The following NDUFV3 variants were observed in gnomAD, a reference collection of about 807,000 sequenced individuals.
NDUFV3 encodes NADH:ubiquinone oxidoreductase subunit V3.
Under a neutral mutation model 37.5 loss-of-function variants are expected in NDUFV3, and 44 were observed. That is an observed-to-expected ratio of 1.17 (90% CI 0.92 to 1.51). The LOEUF (loss-of-function observed/expected upper bound fraction) is 1.51, where lower values mean the gene tolerates loss of function less well. Ranked by LOEUF, NDUFV3 falls within the 40% of genes most tolerant of loss-of-function variation. The pLI is 0.00. For synonymous variants in NDUFV3, 235 were observed against 239.3 expected (o/e 0.98, Z 0.17); for missense variants, 580 against 580.4 (o/e 1.00, Z 0.01).
intron 2 of NDUFV3, among the ~76,000 whole-genome samples, chr21:42,902,892 G>A (rs1250238579): frequency 6.6e-6 from 1 of 152,104 alleles, no homozygotes; most frequent in Admixed American, 6.6e-5. Context: ...ATCATCTCTA[G>A]ATTACTTATA....
In NDUFV3 at chr21:42,904,175, A is replaced by G. The variant is rs750364439; in HGVS notation, c.1163A>G (p.Asn388Ser). ...SNLETVPVEN[N>S]HGFHEKTAAL... ...TTGGAGACAGTTCCTGTTGAGAATA[A>G]CCACGGTTTCCATGAAAAGACAGCA... Residue 388 changes from asparagine (N) to serine (S), a missense_variant, in exon 3 of 4, where the codon AAC (asparagine) becomes AGC (serine). By Grantham distance (46) the Asn-to-Ser change is conservative. Coordinates refer to ENST00000354250, the MANE Select transcript of NDUFV3 (RefSeq NM_021075.4). 1.2e-4 allele frequency: 200 copies of G among 1,614,114 alleles called. No individual in the cohort carries two copies. The highest frequency in any genetic ancestry group is 1.7e-4 in the Non-Finnish European group (195 of 1,180,044).
chr21:42,894,970 C>T (rs1471043333), intron 1 of NDUFV3, among the ~76,000 whole-genome samples: 1 of 152,098 alleles, frequency 6.6e-6, no homozygotes, highest in Non-Finnish European at 1.5e-5. Context: ...ATATTGTAGA[C>T]ACTTTTGAAG....
intron 1 of NDUFV3, 123 bp downstream of exon 1, chr21:42,893,504 C>G: frequency 9.1e-7 from 1 of 1,104,596 alleles, no homozygotes; most frequent in South Asian, 1.4e-5. Context: ...CTAGTTGGGC[C>G]GCTGACCCCG....
chr21:42,899,561 C>T (rs1353484994), intron 2 of NDUFV3, among the ~76,000 whole-genome samples: 2 of 152,222 alleles, frequency 1.3e-5, no homozygotes, highest in East Asian at 3.8e-4. Flanking sequence ...TCTCCTGCCC[C>T]ATCCTCCCGA....
chr21:42,905,269 A>G (rs1331065520), intron 3 of NDUFV3, among the ~76,000 whole-genome samples: 2 of 152,212 alleles, frequency 1.3e-5, no homozygotes, highest in African/African-American at 4.8e-5. Flanking sequence ...TTTAACTTGC[A>G]TAGGTGAAGA....
rs747116346 is a variant in NDUFV3 at position 42,903,604 on chromosome 21, G to GCCC, written c.596_598dup (p.Pro199dup). The GCCC allele has an allele frequency of 1.9e-6, 3 of 1,613,878 alleles. No homozygotes were observed. In the South Asian group the frequency reaches 3.3e-5, roughly 18 times the overall value. Reference sequence around the variant, plus strand: ...GGCCTCTCATTCCTTTGAAAACAGAGCCCCCCGAGTTACAGTATCAGCAAA... The same window carrying GCCC: ...GGCCTCTCATTCCTTTGAAAACAGAGCCCCCCCCCGAGTTACAGTATCAGCAAA... On this transcript the variant is annotated inframe_insertion, in exon 3 of 4. Transcript: ENST00000354250.
chr21:42,897,465 G>T (rs1418932696), intron 2 of NDUFV3, among the ~76,000 whole-genome samples: 2 of 152,036 alleles, frequency 1.3e-5, no homozygotes, highest in Admixed American at 1.3e-4. Context: ...AGACCCATCT[G>T]TGGTTTTCCA....
At chr21:42,901,240 C>T (rs531143593) in intron 2 of NDUFV3, among the ~76,000 whole-genome samples, 1 of 151,988 alleles carries the variant, frequency 6.6e-6, no homozygotes, top group East Asian at 1.9e-4. Flanking sequence ...GAGTTCGAGA[C>T]CAGCCTGACC....
rs11321406 is a variant in NDUFV3 at position 42,904,491 on chromosome 21, CTTTT to C, written c.1264+230_1264+233del. 4.2e-4 allele frequency among the ~76,000 whole-genome samples: 53 copies of C among 125,830 alleles called. No individual in the cohort carries two copies. The East Asian group carries it at 0.011, about 25-fold the overall frequency. 82.5% of individuals were successfully genotyped at this position (125,830 alleles called of 152,430 possible). A position where few individuals can be genotyped will look rare whatever the true frequency, so the allele number is the denominator to read the frequency against. On this transcript the variant is annotated intron_variant, in intron 3 of 3. Transcript: ENST00000354250. ...TAGAATCCCTAAAATATTTAACGTT[CTTTT>C]TTTTTTTTTTTTTTGAGATGGTGTC...
chr21:42,894,490 T>A (rs1359968217), intron 1 of NDUFV3, among the ~76,000 whole-genome samples: 2 of 87,318 alleles, frequency 2.3e-5, no homozygotes, highest in South Asian at 5.4e-4. Flanking sequence ...TTTATATATT[T>A]ATATAATATA....
chr21:42,905,627 A>G (rs2058737812), intron 3 of NDUFV3, among the ~76,000 whole-genome samples: 1 of 150,804 alleles, frequency 6.6e-6, no homozygotes, highest in Non-Finnish European at 1.5e-5. Context: ...GTGATTCTCC[A>G]GCCTCAGCCT....
intron 3 of NDUFV3, among the ~76,000 whole-genome samples, chr21:42,904,743 C>T (rs576872218): frequency 2.0e-5 from 3 of 151,914 alleles, no homozygotes; most frequent in African/African-American, 2.4e-5. Context: ...GCCTCGGCCT[C>T]CCAAAGTGCT....
chr21:42,898,865 G>C (rs1246403551), intron 2 of NDUFV3, among the ~76,000 whole-genome samples: 1 of 152,192 alleles, frequency 6.6e-6, no homozygotes, highest in African/African-American at 2.4e-5. Flanking sequence ...GTGAATTTTA[G>C]TCTGTGTCTG....
rs142708269 is a variant in NDUFV3 at position 42,902,346 on chromosome 21, CCT to C, written c.170-833_170-832del. 2.1e-4 allele frequency among the ~76,000 whole-genome samples: 32 copies of C among 152,204 alleles called. 1 individual carries two copies. In the East Asian group the frequency reaches 5.2e-3, roughly 25 times the overall value. On this transcript the variant is annotated intron_variant, in intron 2 of 3. Coordinates refer to ENST00000354250, the MANE Select transcript of NDUFV3 (RefSeq NM_021075.4). ...TTCTCTAATGTAATGTTTAAATGCA[CCT>C]CTGTTTCTGAATGTGCCTTGTTTCC...
At position 42,912,086 on chromosome 21, in the gene NDUFV3, C is replaced by T. The variant is rs2058773486; in HGVS notation, c.*3065C>T. On this transcript the variant is annotated 3_prime_UTR_variant, in exon 4 of 4. Transcript: ENST00000354250. The stretch of plus-strand genomic sequence containing the variant: ...TGAAACCCCCTCTCTACTAAAATTA[C>T]AAAATTAGCCGGGCGTGTTGGTGCA... 1 of 151,926 alleles carries T rather than the reference C, an allele frequency of 6.6e-6. No individual in the cohort carries two copies. Among genetic ancestry groups the T allele is most frequent in the South Asian group, 2.1e-4 (1 of 4,818 alleles). The allele number at this position is 151,926 out of a possible 1,614,324, so 9.4% of individuals were successfully genotyped here.
chr21:42,894,507 ATATT>A (rs1423521233), intron 1 of NDUFV3, among the ~76,000 whole-genome samples: 5 of 84,846 alleles, frequency 5.9e-5, no homozygotes, highest in South Asian at 5.4e-4. Flanking sequence ...TATATAATAT[ATATT>A]TATATATTAT....
rs1464490911 is a variant in NDUFV3, at chr21:42,909,324, T to C, written c.*303T>C. On this transcript the variant is annotated 3_prime_UTR_variant, in exon 4 of 4. Transcript: ENST00000354250. ...GTCCAGCTAACTTTTGTATTTTTAG[T>C]AGAGACAGGGTTTCACCATGTTGGC... 2.8e-6 allele frequency: 1 copy of C among 360,994 alleles called. No homozygotes were observed. The highest frequency in any genetic ancestry group is 5.4e-6 in the Non-Finnish European group (1 of 185,558). The allele number at this position is 360,994 out of a possible 1,614,324, so 22.4% of individuals were successfully genotyped here.
intron 1 of NDUFV3, among the ~76,000 whole-genome samples, chr21:42,895,333 T>C (rs2058685784): frequency 6.6e-6 from 1 of 152,116 alleles, no homozygotes; most frequent in Admixed American, 6.6e-5. Context: ...ATACAAAAAC[T>C]TGGCCGGGCA....
chr21:42,899,330 C>T lies in NDUFV3; in HGVS notation c.169+2283C>T, dbSNP rs571297886. Among the ~76,000 whole-genome samples the T allele has an allele frequency of 5.7e-4, 53 of 93,494 alleles. 1 individual carries two copies. The South Asian group carries it at 0.015, about 26-fold the overall frequency. 61.3% of individuals were successfully genotyped at this position (93,494 alleles called of 152,430 possible). ...TTATGCCCAGGCTGGAGTGCAATGG[C>T]GTGATCTCAGCTCACCACAACCTCT... On this transcript the variant is annotated intron_variant, in intron 2 of 3. Coordinates refer to ENST00000354250, the MANE Select transcript of NDUFV3 (RefSeq NM_021075.4).
Sources: allele counts gnomAD v4.1 joint callset (sites outside exome capture counted in the v4.1 genomes callset), GRCh38; gene constraint gnomAD v4.1.1; transcripts MANE v1.5; gene names NCBI Gene and HGNC (gene_info 2026-07-23, HGNC 2026-07-21).